Variants in GNAI1 observed in about 807,000 individuals in gnomAD.
The protein encoded by GNAI1 is guanine nucleotide-binding protein G(i) subunit alpha-1.
Under a neutral mutation model 38.9 loss-of-function variants are expected in GNAI1, and 11 were observed. The observed-to-expected ratio is 0.28, with a 90% CI of 0.18 to 0.47. The LOEUF (loss-of-function observed/expected upper bound fraction) is 0.47. Among genes scored for constraint, GNAI1 ranks in the 20% least tolerant of loss-of-function variants. The probability of loss-of-function intolerance (pLI) is 0.99; values close to 1 mark genes in which losing one functional copy is unlikely to be tolerated. For missense variants in GNAI1, 317 were observed against 436.9 expected (o/e 0.73, Z 2.45); for synonymous variants, 166 against 145.1 (o/e 1.14, Z -1.04).
rs1337786122 is a variant in GNAI1 at position 80,219,757 on chromosome 7, A to C, written c.*2264A>C. The stretch of plus-strand genomic sequence containing the variant: ...TTAAGTTCTGGGATACGTGTGCTGA[A>C]CATGCAGGTTGGTTACATATGTATA... On this transcript the variant is annotated 3_prime_UTR_variant, in exon 8 of 8. Coordinates refer to ENST00000649796, the MANE Select transcript of GNAI1 (RefSeq NM_002069.6). 6.6e-6 allele frequency among the ~76,000 whole-genome samples: 1 copy of C among 152,166 alleles called. No homozygotes were observed. The highest frequency in any genetic ancestry group is 1.5e-5 in the Non-Finnish European group (1 of 68,028).
intron 1 of GNAI1, among the ~76,000 whole-genome samples, chr7:80,170,629 G>A (rs954154917): frequency 6.6e-6 from 1 of 152,198 alleles, no homozygotes; most frequent in East Asian, 1.9e-4. Context: ...AAGCAGGTAT[G>A]TCTTGCATGA....
chr7:80,143,255 CT>C (rs1379746713), intron 1 of GNAI1, among the ~76,000 whole-genome samples: 1 of 151,990 alleles, frequency 6.6e-6, no homozygotes, highest in Non-Finnish European at 1.5e-5. Context: ...AAGATAAGTC[CT>C]CATAATGTCA....
intron 1 of GNAI1, among the ~76,000 whole-genome samples, chr7:80,145,785 CA>C (rs1231656917): frequency 2.0e-5 from 3 of 152,076 alleles, no homozygotes; most frequent in Non-Finnish European, 4.4e-5. Context: ...CATTTGTGAG[CA>C]TATATTAAGC....
At chr7:80,168,418 C>T (rs772883548) in intron 1 of GNAI1, among the ~76,000 whole-genome samples, 7 of 152,166 alleles carry the variant, frequency 4.6e-5, no homozygotes, top group Non-Finnish European at 8.8e-5. Context: ...GACAGAGTCT[C>T]ACTTTGTCAC....
At chr7:80,159,160 G>T (rs971290116) in intron 1 of GNAI1, among the ~76,000 whole-genome samples, 34 of 152,096 alleles carry the variant, frequency 2.2e-4, no homozygotes, top group African/African-American at 7.7e-4. Flanking sequence ...AAGTTCTGGT[G>T]GCTTGTGCTC....
intron 1 of GNAI1, among the ~76,000 whole-genome samples, chr7:80,170,069 G>A (rs1197888674): frequency 2.0e-5 from 3 of 152,116 alleles, no homozygotes; most frequent in South Asian, 2.1e-4. Context: ...CTCTTTATCC[G>A]TTGATGGACA....
intron 1 of GNAI1, among the ~76,000 whole-genome samples, chr7:80,173,556 T>A (rs1788132686): frequency 6.6e-6 from 1 of 151,818 alleles, no homozygotes; most frequent in Admixed American, 6.6e-5. Flanking sequence ...TCACTTGCCA[T>A]GCTCCCCTTC....
intron 1 of GNAI1, among the ~76,000 whole-genome samples, chr7:80,152,790 C>T (rs924541861): frequency 6.7e-6 from 1 of 149,828 alleles, no homozygotes; most frequent in Non-Finnish European, 1.5e-5. Flanking sequence ...GTCTCGATCT[C>T]CTGATCTCCT....
intron 4 of GNAI1, among the ~76,000 whole-genome samples, chr7:80,199,993 A>C (rs1026999182): frequency 6.6e-6 from 1 of 152,100 alleles, no homozygotes; most frequent in Non-Finnish European, 1.5e-5. Flanking sequence ...GTGGCCCCAG[A>C]AAGTTTGCAA....
At chr7:80,189,959 C>G (rs1788452636) in intron 3 of GNAI1, among the ~76,000 whole-genome samples, 3 of 151,650 alleles carry the variant, frequency 2.0e-5, no homozygotes, top group Admixed American at 2.0e-4. Flanking sequence ...TTTCTCTTAT[C>G]TTCTCTTTGA....
chr7:80,194,272 A>G (rs1788530778), intron 3 of GNAI1, among the ~76,000 whole-genome samples: 1 of 151,996 alleles, frequency 6.6e-6, no homozygotes, highest in Non-Finnish European at 1.5e-5. Context: ...TATTGATTAT[A>G]TTTTTATTTT....
At chr7:80,144,060 C>CT (rs2116079833) in intron 1 of GNAI1, among the ~76,000 whole-genome samples, 1 of 152,190 alleles carries the variant, frequency 6.6e-6, no homozygotes, top group African/African-American at 2.4e-5. Context: ...TTGGATTTCT[C>CT]TTTAACAGCC....
At chr7:80,211,719 G>A (rs1208124981) in intron 6 of GNAI1, among the ~76,000 whole-genome samples, 4 of 151,944 alleles carry the variant, frequency 2.6e-5, no homozygotes, top group South Asian at 4.1e-4. Flanking sequence ...GCACCCAGCC[G>A]GTAAATCTTT....
chr7:80,204,335 T>G (rs1788737099), intron 5 of GNAI1, among the ~76,000 whole-genome samples: 1 of 152,118 alleles, frequency 6.6e-6, no homozygotes, highest in Non-Finnish European at 1.5e-5. Context: ...AGTATTCATT[T>G]AAAGTGTACT....
chr7:80,145,009 A>C (rs1189658974), intron 1 of GNAI1, among the ~76,000 whole-genome samples: 1 of 152,196 alleles, frequency 6.6e-6, no homozygotes, highest in African/African-American at 2.4e-5. Flanking sequence ...AACACTGAGC[A>C]CTTGCCTCCA....
At chr7:80,174,181 AAAT>A (rs1488841555) in intron 1 of GNAI1, among the ~76,000 whole-genome samples, 1 of 152,106 alleles carries the variant, frequency 6.6e-6, no homozygotes, top group African/African-American at 2.4e-5. Flanking sequence ...ATTTTTTTCT[AAAT>A]AAATCGCATA....
chr7:80,179,977 C>T (rs1788261113), intron 1 of GNAI1, among the ~76,000 whole-genome samples: 1 of 152,146 alleles, frequency 6.6e-6, no homozygotes, highest in Non-Finnish European at 1.5e-5. Flanking sequence ...ATCTTCTTGT[C>T]TCTGCAAATA....
At chr7:80,190,591 A>C (rs1162175993) in intron 3 of GNAI1, among the ~76,000 whole-genome samples, 1 of 152,162 alleles carries the variant, frequency 6.6e-6, no homozygotes, top group Non-Finnish European at 1.5e-5. Flanking sequence ...ATGCTAATTA[A>C]ACTAAGCCTT....
chr7:80,145,623 C>T (rs1787606325), intron 1 of GNAI1, among the ~76,000 whole-genome samples: 1 of 152,136 alleles, frequency 6.6e-6, no homozygotes, highest in Non-Finnish European at 1.5e-5. Context: ...GTCTGTTATT[C>T]TACTTCTTTA....
Sources: allele counts gnomAD v4.1 joint callset (sites outside exome capture counted in the v4.1 genomes callset), GRCh38; gene constraint gnomAD v4.1.1; transcripts MANE v1.5; gene names NCBI Gene and HGNC (gene_info 2026-07-23, HGNC 2026-07-21).